TAOK1: variants seen among roughly 807,000 people sequenced by gnomAD.
TAOK1 encodes the protein serine/threonine-protein kinase TAO1.
A neutral mutation model predicts 138.3 loss-of-function variants in TAOK1; 21 were observed. The observed-to-expected ratio is 0.15, with a 90% CI of 0.11 to 0.22. The LOEUF (loss-of-function observed/expected upper bound fraction) is 0.22, where lower values mean the gene tolerates loss of function less well. Ranked by LOEUF, TAOK1 falls within the 10% of genes least tolerant of loss-of-function variation. The pLI, the probability that TAOK1 is intolerant of heterozygous loss-of-function variation, is 1.00. For missense variants in TAOK1, 651 were observed against 1,227.7 expected (o/e 0.53, Z 7.02); for synonymous variants, 361 against 398.4 (o/e 0.91, Z 1.12).
chr17:29,471,084 G>A (rs576711863), intron 3 of TAOK1, among the ~76,000 whole-genome samples: 2 of 151,810 alleles, frequency 1.3e-5, no homozygotes, highest in Non-Finnish European at 2.9e-5. Context: ...CTTGAACCCA[G>A]GAGGCGAAGG....
intron 1 of TAOK1, among the ~76,000 whole-genome samples, chr17:29,403,160 CAAAAA>C (rs34253777): frequency 6.7e-5 from 4 of 60,040 alleles, no homozygotes; most frequent in South Asian, 7.3e-4. Flanking sequence ...GATTTTGTCT[CAAAAA>C]AAAAAAAAAA....
At chr17:29,437,119 A>C (rs1353614736) in intron 1 of TAOK1, among the ~76,000 whole-genome samples, 2 of 152,134 alleles carry the variant, frequency 1.3e-5, no homozygotes, top group Non-Finnish European at 1.5e-5. Context: ...GCTGGAGTGC[A>C]GTGGTGTGAT....
At chr17:29,423,751 TA>T (rs1471058085) in intron 1 of TAOK1, among the ~76,000 whole-genome samples, 1 of 52,128 alleles carries the variant, frequency 1.9e-5, no homozygotes, top group Non-Finnish European at 3.5e-5. Context: ...CTTTATTTAT[TA>T]AAACTTGTTT....
At chr17:29,489,571 T>G in intron 8 of TAOK1, 93 bp from the exon 9 acceptor site, 2 of 789,070 alleles carry the variant, frequency 2.5e-6, no homozygotes, top group Non-Finnish European at 3.9e-6. Context: ...TGTTTCAAAA[T>G]AAAATCATTT....
intron 10 of TAOK1, among the ~76,000 whole-genome samples, chr17:29,492,661 G>T (rs959684541): frequency 6.6e-6 from 1 of 151,850 alleles, no homozygotes; most frequent in Non-Finnish European, 1.5e-5. Flanking sequence ...GCGTGGTGGC[G>T]CATGCCTGTA....
chr17:29,506,912 C>T (rs976988453), intron 13 of TAOK1, among the ~76,000 whole-genome samples: 1 of 152,028 alleles, frequency 6.6e-6, no homozygotes, highest in Non-Finnish European at 1.5e-5. Flanking sequence ...GAATTTTATT[C>T]AGCTATAAAA....
At chr17:29,455,653 C>T (rs991391463) in intron 2 of TAOK1, among the ~76,000 whole-genome samples, 8 of 149,988 alleles carry the variant, frequency 5.3e-5, no homozygotes, top group Admixed American at 5.3e-4. Context: ...CCCTTTATTC[C>T]TGTTTTTTTG....
intron 18 of TAOK1, among the ~76,000 whole-genome samples, chr17:29,532,941 A>G (rs1567747343): frequency 1.7e-5 from 2 of 115,272 alleles, no homozygotes; most frequent in African/African-American, 3.3e-5. Context: ...TGGGGGGCTG[A>G]CCCCCCCACC....
At chr17:29,456,124 G>C (rs887678872) in intron 2 of TAOK1, among the ~76,000 whole-genome samples, 1 of 150,454 alleles carries the variant, frequency 6.6e-6, no homozygotes, top group African/African-American at 2.5e-5. Context: ...AAGGCAGGCA[G>C]ATCACCTGAG....
intron 13 of TAOK1, among the ~76,000 whole-genome samples, 183 bp from the exon 14 acceptor site, chr17:29,507,713 C>A (rs2031652068): frequency 1.3e-5 from 2 of 151,940 alleles, no homozygotes. Context: ...TCTTTTATAT[C>A]CCCATATAAA....
At chr17:29,469,838 C>T in intron 3 of TAOK1, among the ~76,000 whole-genome samples, 1 of 152,090 alleles carries the variant, frequency 6.6e-6, no homozygotes, top group East Asian at 1.9e-4. Flanking sequence ...AGTCTGCCTT[C>T]CAGATTATTC....
chr17:29,448,174 A>G (rs1159505682), intron 1 of TAOK1, among the ~76,000 whole-genome samples: 1 of 151,274 alleles, frequency 6.6e-6, no homozygotes, highest in Non-Finnish European at 1.5e-5. Context: ...ATTTCCTCCC[A>G]GTACTCGTAT....
At chr17:29,440,505 T>C (rs1598482138) in intron 1 of TAOK1, among the ~76,000 whole-genome samples, 1 of 107,338 alleles carries the variant, frequency 9.3e-6, no homozygotes, top group African/African-American at 3.1e-5. Context: ...GGAGAGGCTC[T>C]TGTCTTATCA....
Position 29,434,676 on chromosome 17 carries a change from C to T in TAOK1, c.-94-16779C>T, listed in dbSNP as rs566878285. Among the ~76,000 whole-genome samples the T allele has an allele frequency of 4.6e-5, 7 of 152,274 alleles. No individual in the cohort carries two copies. The South Asian group carries it at 1.4e-3, about 32-fold the overall frequency. On this transcript the variant is annotated intron_variant, in intron 1 of 19. Transcript: ENST00000261716. ...AGTAGCTTTGGAGTTCCCTAGGCCT[C>T]ATTTATGCCATGGATATTAATGTGG...
chr17:29,424,172 G>C (rs1905558385), intron 1 of TAOK1, among the ~76,000 whole-genome samples: 1 of 151,740 alleles, frequency 6.6e-6, no homozygotes. Context: ...CTATAAATGA[G>C]AATTAGGTCA....
rs114922775 is a variant in TAOK1, at chr17:29,538,182, G to A, written c.2544+3882G>A. Among the ~76,000 whole-genome samples, 693 of 150,874 alleles carry A rather than the reference G, an allele frequency of 4.6e-3. 5 individuals are homozygous for A. The highest frequency in any genetic ancestry group is 0.016 in the African/African-American group (664 of 41,166). On this transcript the variant is annotated intron_variant, in intron 19 of 19. Transcript: ENST00000261716. ...AATCTTATTCAGCCATTTAAATGAT[G>A]TCTGCAAAACCAGTATTAATATGGA...
At chr17:29,434,771 G>A (rs1183223596) in intron 1 of TAOK1, among the ~76,000 whole-genome samples, 4 of 152,180 alleles carry the variant, frequency 2.6e-5, no homozygotes, top group African/African-American at 9.6e-5. Flanking sequence ...CACCTGCAAT[G>A]TGCCTTTTAA....
At chr17:29,399,508 G>A (rs1904772567) in intron 1 of TAOK1, among the ~76,000 whole-genome samples, 1 of 151,932 alleles carries the variant, frequency 6.6e-6, no homozygotes, top group Non-Finnish European at 1.5e-5. Flanking sequence ...TTAGAGACGG[G>A]GTTTCACCGT....
intron 13 of TAOK1, among the ~76,000 whole-genome samples, chr17:29,506,720 T>G (rs1567738293): frequency 6.6e-6 from 1 of 152,176 alleles, no homozygotes; most frequent in Admixed American, 6.5e-5. Flanking sequence ...ACTCCATAAA[T>G]GTATACAATT....
Sources: gnomAD v4.1 joint callset for allele counts (sites outside exome capture counted in the v4.1 genomes callset) on GRCh38, gnomAD v4.1.1 for gene constraint, MANE v1.5 for transcripts, NCBI Gene and HGNC (gene_info 2026-07-23, HGNC 2026-07-21) for gene names.